The following PREX1 variants were observed in gnomAD, a reference collection of about 807,000 sequenced individuals.
The protein encoded by PREX1 is phosphatidylinositol 3,4,5-trisphosphate-dependent Rac exchanger 1 protein.
Under a neutral mutation model 198.3 loss-of-function variants are expected in PREX1, and 41 were observed. That is an observed-to-expected ratio of 0.21 (90% CI 0.16 to 0.27). The LOEUF (loss-of-function observed/expected upper bound fraction) is 0.27, where lower values mean the gene tolerates loss of function less well. PREX1 is among the 10% of genes least tolerant of loss of function. The probability of loss-of-function intolerance (pLI) is 1.00; values close to 1 mark genes in which losing one functional copy is unlikely to be tolerated. For synonymous variants in PREX1, 843 were observed against 887.2 expected (o/e 0.95, Z 0.89); for missense variants, 1,620 against 2,200.7 (o/e 0.74, Z 5.28).
At position 48,653,504 on chromosome 20, in the gene PREX1, G is replaced by C; in HGVS notation, c.2210-7C>G. 6.2e-7 allele frequency: 1 copy of C among 1,604,390 alleles called. No individual in the cohort carries two copies. Among genetic ancestry groups the C allele is most frequent in the Non-Finnish European group, 8.5e-7 (1 of 1,173,694 alleles). ...GCAGCCATGGCCTCAGAGCCTAAGG[G>C]GAACAGGAGCACATGAGGCTGGATG... On this transcript the variant is annotated splice_polypyrimidine_tract_variant and splice_region_variant and intron_variant, in intron 19 of 39. Coordinates refer to ENST00000371941, the MANE Select transcript of PREX1 (RefSeq NM_020820.4).
intron 27 of PREX1, among the ~76,000 whole-genome samples, chr20:48,643,784 C>T (rs566630617): frequency 1.7e-4 from 26 of 152,296 alleles, no homozygotes; most frequent in African/African-American, 6.3e-4. Context: ...AGTGATTCTC[C>T]TGCCTCAGCC....
upstream of PREX1, among the ~76,000 whole-genome samples, chr20:48,831,009 G>T (rs2090536091): frequency 6.6e-6 from 1 of 152,200 alleles, no homozygotes; most frequent in Non-Finnish European, 1.5e-5. Context: ...GAGGCAGTTG[G>T]TTCCTGAGGC....
At chr20:48,757,542 TGCCTCATCTA>T (rs1487366350) in intron 1 of PREX1, among the ~76,000 whole-genome samples, 2 of 152,202 alleles carry the variant, frequency 1.3e-5, no homozygotes, top group Admixed American at 1.3e-4. Flanking sequence ...GCACCTCAGT[TGCCTCATCTA>T]TAAAATCTGT....
intron 1 of PREX1, among the ~76,000 whole-genome samples, chr20:48,790,416 C>T (rs961971201): frequency 1.3e-5 from 2 of 152,174 alleles, no homozygotes; most frequent in East Asian, 1.9e-4. Flanking sequence ...AGGCTCCACT[C>T]TCCCCAGGCT....
At chr20:48,675,783 A>G (rs1260240039) in intron 14 of PREX1, among the ~76,000 whole-genome samples, 1 of 152,214 alleles carries the variant, frequency 6.6e-6, no homozygotes, top group Non-Finnish European at 1.5e-5. Flanking sequence ...TCACACCTGT[A>G]ATCCCAGTGA....
chr20:48,696,883 C>T (rs1342267240), intron 7 of PREX1, among the ~76,000 whole-genome samples: 3 of 152,008 alleles, frequency 2.0e-5, no homozygotes, highest in East Asian at 3.9e-4. Context: ...AGGATCAGAA[C>T]GACACTATTG....
At chr20:48,747,775 G>C (rs764861867) in intron 2 of PREX1, 34 bp downstream of exon 2, 1 of 1,580,808 alleles carries the variant, frequency 6.3e-7, no homozygotes, top group Non-Finnish European at 8.7e-7. Flanking sequence ...CAACACAGAT[G>C]CTCTAGAACA....
At chr20:48,794,580 G>C (rs1374306392) in intron 1 of PREX1, among the ~76,000 whole-genome samples, 3 of 152,188 alleles carry the variant, frequency 2.0e-5, no homozygotes, top group African/African-American at 7.2e-5. Context: ...AGCCAGGCTG[G>C]AGCCTGCCAG....
chr20:48,887,010 G>A, the PREX1 span, among the ~76,000 whole-genome samples: 1 of 152,178 alleles, frequency 6.6e-6, no homozygotes, highest in Non-Finnish European at 1.5e-5. Context: ...GAGGTAGGTA[G>A]GGCAGGTAAT....
At chr20:48,854,749 G>C in the PREX1 span, among the ~76,000 whole-genome samples, 1 of 152,142 alleles carries the variant, frequency 6.6e-6, no homozygotes, top group Admixed American at 6.5e-5. Flanking sequence ...TTTTACCAAG[G>C]TCAGTCATAT....
chr20:48,820,409 G>A (rs2090479298), intron 1 of PREX1, among the ~76,000 whole-genome samples: 1 of 152,158 alleles, frequency 6.6e-6, no homozygotes, highest in Non-Finnish European at 1.5e-5. Flanking sequence ...GGAAGAGCTG[G>A]GATCTGAACC....
chr20:48,751,304 AAGGCAGCCTCACCC>A (rs2090133043), intron 1 of PREX1, among the ~76,000 whole-genome samples: 1 of 152,156 alleles, frequency 6.6e-6, no homozygotes, highest in African/African-American at 2.4e-5. Context: ...GAGGGAGACA[AAGGCAGCCTCACCC>A]AGCACAGCCA....
At position 48,645,934 on chromosome 20, in the gene PREX1, G is replaced by T; in HGVS notation, c.3429C>A (p.Gly1143=). 6.2e-7 allele frequency: 1 copy of T among 1,614,166 alleles called. No homozygotes were observed. The highest frequency in any genetic ancestry group is 1.6e-4 in the Middle Eastern group (1 of 6,062). ...CCACCTTGAAGCACACCTTCTTGAT[G>T]CCCCCATGGTCACTCCTGTCCATCT... is the stretch of plus-strand genomic sequence containing the variant. The part of the protein sequence containing the change: ...ESEMDRSDHG[G]IKKVCFKVAE... The change falls in exon 26 of 40, where the codon GGC becomes GGA. Residue 1143 remains glycine, a synonymous_variant. Transcript: ENST00000371941.
chr20:48,856,548 C>G, the PREX1 span, among the ~76,000 whole-genome samples: 1 of 152,220 alleles, frequency 6.6e-6, no homozygotes, highest in Non-Finnish European at 1.5e-5. Flanking sequence ...GCCAGAGCCC[C>G]AGTGTCAGGA....
rs961804468 is a variant in PREX1 at position 48,708,377 on chromosome 20, C to T, written c.666G>A (p.Ala222=). The change falls in exon 6 of 40, where the codon GCG becomes GCA. Residue 222 remains alanine, a synonymous_variant. Coordinates refer to ENST00000371941, the MANE Select transcript of PREX1 (RefSeq NM_020820.4). The part of the protein sequence containing the change: ...RTPGKHPDHP[A]VQSALQAMKT... ...TCATGGCCTGCAGGGCACTCTGGACCGCGGGGTGGTCTGGGTGCTTGCCGG... is the reference window on the plus strand; with the variant it reads ...TCATGGCCTGCAGGGCACTCTGGACTGCGGGGTGGTCTGGGTGCTTGCCGG... The T allele has an allele frequency of 2.5e-6, 4 of 1,614,094 alleles. No homozygotes were observed. Among genetic ancestry groups the T allele is most frequent in the Admixed American group, 1.7e-5 (1 of 60,016 alleles).
chr20:48,760,710 C>T (rs1466541349), intron 1 of PREX1, among the ~76,000 whole-genome samples: 1 of 152,120 alleles, frequency 6.6e-6, no homozygotes, highest in Non-Finnish European at 1.5e-5. Flanking sequence ...CAAGTCCTCT[C>T]CGAGTACCAA....
rs182487035 is a variant in PREX1 at position 48,632,599 on chromosome 20, C to A, written c.4308G>T (p.Ala1436=). 5 of 1,613,984 alleles carry A rather than the reference C, an allele frequency of 3.1e-6. No homozygotes were observed. In the Admixed American group the frequency reaches 8.3e-5, roughly 27 times the overall value. Residue 1436 remains alanine (A), a synonymous_variant, in exon 34 of 40, where the codon GCG becomes GCT. Coordinates refer to ENST00000371941, the MANE Select transcript of PREX1 (RefSeq NM_020820.4). The part of the protein sequence containing the change: ...VFYHIEGSRQ[A]LKVIFYLDSY... ...TGTCGAGGTAGAAGATGACCTTCAG[C>A]GCCTGCCGGCTGCCCTCAATGTGGT...
intron 5 of PREX1, 110 bp downstream of exon 5, chr20:48,726,180 G>C: frequency 1.2e-6 from 1 of 861,426 alleles, no homozygotes; most frequent in South Asian, 1.6e-5. Flanking sequence ...AATCCAGCCC[G>C]GCCCAAAGCT....
chr20:48,669,671 T>G (rs2089662225), intron 14 of PREX1, among the ~76,000 whole-genome samples: 2 of 151,996 alleles, frequency 1.3e-5, no homozygotes, highest in Admixed American at 1.3e-4. Context: ...TCTCTGTCTA[T>G]AGTGGTGGGG....
Sources: gnomAD v4.1 joint callset for allele counts (sites outside exome capture counted in the v4.1 genomes callset) on GRCh38, gnomAD v4.1.1 for gene constraint, MANE v1.5 for transcripts, NCBI Gene and HGNC (gene_info 2026-07-23, HGNC 2026-07-21) for gene names.